ORC1: variants seen among roughly 807,000 people sequenced by gnomAD.
ORC1 encodes the protein origin recognition complex, subunit 1 homolog.
Under a neutral mutation model 98.9 loss-of-function variants are expected in ORC1, and 61 were observed. The observed-to-expected ratio is 0.62, with a 90% CI of 0.50 to 0.76. The LOEUF (loss-of-function observed/expected upper bound fraction) is 0.76, where lower values mean the gene tolerates loss of function less well. Among genes scored for constraint, ORC1 ranks in the 30% least tolerant of loss-of-function variants. ORC1 has a pLI of 0.00. For missense variants in ORC1, 979 were observed against 1,072.2 expected, an observed-to-expected ratio of 0.91 and a Z score of 1.21; for synonymous variants, 385 against 406.9, an observed-to-expected ratio of 0.95 and a Z score of 0.65.
rs781577733 is a variant in ORC1 at position 52,401,378 on chromosome 1, A to G, written c.207T>C (p.Leu69=). The G allele has an allele frequency of 3.7e-6, 6 of 1,613,842 alleles. No individual in the cohort carries two copies. The South Asian group carries it at 6.6e-5, about 18-fold the overall frequency. ...CAAACTCACCATCTTCGAACAACTC[A>G]AGCAATTTAGCAACATACGGGTTTT... The part of the protein sequence containing the change: ...DDENPYVAKL[L]ELFEDDSDPP... The change falls in exon 3 of 17, where the codon CTT becomes CTC. Residue 69 remains leucine (L), a synonymous_variant. Transcript: ENST00000371568.
Position 52,393,586 on chromosome 1 carries a change from T to C in ORC1, c.939A>G (p.Glu313=), listed in dbSNP as rs1188460073. ...YTEDDKKASP[E]HRIILRTRIA... is the part of the protein sequence containing the mutation. ...TTCGGGTTCTCAGGATTATGCGATGTTCAGGTGAAGCCTTCTTGTCATCCT... is the reference window on the plus strand; with the variant it reads ...TTCGGGTTCTCAGGATTATGCGATGCTCAGGTGAAGCCTTCTTGTCATCCT... The change falls in exon 6 of 17, where the codon GAA becomes GAG. Residue 313 remains glutamate (E), a synonymous_variant. Coordinates refer to ENST00000371568, the MANE Select transcript of ORC1 (RefSeq NM_004153.4). The C allele has an allele frequency of 2.5e-6, 4 of 1,614,204 alleles. No individual in the cohort carries two copies. The highest frequency in any genetic ancestry group is 2.5e-6 in the Non-Finnish European group (3 of 1,180,034).
intron 14 of ORC1, among the ~76,000 whole-genome samples, chr1:52,380,694 C>CAA (rs34536767): frequency 1.2e-5 from 1 of 84,228 alleles, no homozygotes; most frequent in Non-Finnish European, 2.5e-5. Context: ...GATGCTGTTT[C>CAA]AAAAAAAAAA....
chr1:52,376,532 G>T (rs1425585324), intron 14 of ORC1, among the ~76,000 whole-genome samples: 1 of 151,922 alleles, frequency 6.6e-6, no homozygotes, highest in Non-Finnish European at 1.5e-5. Flanking sequence ...AGTAACCCAG[G>T]ACACAAACAT....
intron 1 of ORC1, among the ~76,000 whole-genome samples, chr1:52,402,846 G>A (rs1296315606): frequency 2.6e-5 from 4 of 152,124 alleles, no homozygotes; most frequent in East Asian, 1.9e-4. Flanking sequence ...GCAGTGAGCC[G>A]AGATCGCAAC....
chr1:52,381,506 ATCTTG>A, intron 14 of ORC1, 131 bp downstream of exon 14: 1 of 933,586 alleles, frequency 1.1e-6, no homozygotes, highest in Non-Finnish European at 1.6e-6. Flanking sequence ...ATTTCTCATA[ATCTTG>A]TCTTTTTTGA....
At chr1:52,377,288 T>C (rs1017694964) in intron 14 of ORC1, among the ~76,000 whole-genome samples, 1 of 151,850 alleles carries the variant, frequency 6.6e-6, no homozygotes, top group Admixed American at 6.6e-5. Context: ...TTGGTTTTTT[T>C]GTTTGAGAGA....
At chr1:52,408,486 C>G (rs752584050), upstream of ORC1, 43 of 1,564,594 alleles carry the variant, frequency 2.7e-5, no homozygotes, top group Non-Finnish European at 2.3e-5. Context: ...ACATGTTTAT[C>G]CACTACTGTC....
intron 13 of ORC1, among the ~76,000 whole-genome samples, chr1:52,382,569 AAACT>A (rs1246311155): frequency 2.7e-5 from 4 of 147,790 alleles, no homozygotes; most frequent in Admixed American, 6.7e-5. Context: ...ATAAGTGCTA[AAACT>A]TTTTTTTTTT....
At position 52,375,508 on chromosome 1, in the gene ORC1, G is replaced by T. The variant is rs369132620; in HGVS notation, c.2225C>A (p.Ser742Tyr). The T allele has an allele frequency of 1.2e-6, 2 of 1,614,028 alleles. No homozygotes were observed. Among genetic ancestry groups the T allele is most frequent in the African/African-American group, 2.7e-5 (2 of 74,920 alleles). ...GTGGGCTATGGTGACCAGGCCAGGG[G>T]AGTCAGGCTTCTGCTGGGAGAACTC... ...ICEFSQQKPDSPGLVTIAHSM... is the reference protein window; with the variant it reads ...ICEFSQQKPDYPGLVTIAHSM... Residue 742 changes from serine (S) to tyrosine (Y), a missense_variant, in exon 15 of 17, where the codon TCC becomes TAC. Ser to Tyr is a moderately radical substitution (Grantham distance 144). Coordinates refer to ENST00000371568, the MANE Select transcript of ORC1 (RefSeq NM_004153.4).
chr1:52,407,669 C>T (rs1648036530), upstream of ORC1, among the ~76,000 whole-genome samples: 1 of 152,174 alleles, frequency 6.6e-6, no homozygotes, highest in South Asian at 2.1e-4. Context: ...ACCTGTAATC[C>T]CAGCACTTTG....
intron 3 of ORC1, among the ~76,000 whole-genome samples, 158 bp downstream of exon 3, chr1:52,401,204 G>A (rs1323831085): frequency 6.6e-6 from 1 of 152,122 alleles, no homozygotes; most frequent in East Asian, 1.9e-4. Context: ...GGTGAGTAAA[G>A]AAATTTTTTA....
upstream of ORC1, chr1:52,404,601 T>C: frequency 1.3e-6 from 1 of 778,798 alleles, no homozygotes; most frequent in African/African-American, 1.8e-5. Flanking sequence ...GGAAGCCCTT[T>C]ACACTACGGT....
Position 52,396,290 on chromosome 1 carries a change from G to C in ORC1, c.477C>G (p.Ser159=). ...GTGGCCTGAATTTCTTCTCATTCCA[G>C]GATAGTTTCACAAAGAGTGTCTTCT... The part of the protein sequence containing the change: ...KNEKTLFVKL[S]WNEKKFRPLS... Residue 159 remains serine (S), a synonymous_variant, in exon 5 of 17, where the codon TCC becomes TCG. Transcript: ENST00000371568. 1.9e-6 allele frequency: 3 copies of C among 1,614,140 alleles called. No homozygotes were observed. The highest frequency in any genetic ancestry group is 2.5e-6 in the Non-Finnish European group (3 of 1,180,030).
At chr1:52,396,468 C>T in intron 4 of ORC1, 104 bp from the exon 5 acceptor site, 1 of 1,406,826 alleles carries the variant, frequency 7.1e-7, no homozygotes, top group East Asian at 2.3e-5. Context: ...CACATCTGTA[C>T]CTAAAATGTT....
Position 52,388,626 on chromosome 1 carries a change from T to G in ORC1, c.1199A>C (p.Asn400Thr). The stretch of plus-strand genomic sequence containing the variant: ...TTTCTCTTCTTGGTCACTTTTACTA[T>G]TACCTAGAAACCTGAATGGTAGGGA... ...RIRQQLRFLGNSKSDQEEKEI... is the reference protein window; with the variant it reads ...RIRQQLRFLGTSKSDQEEKEI... The change falls in exon 8 of 17, where the codon AAT becomes ACT. Residue 400 changes from asparagine (N) to threonine (T), a missense_variant. By Grantham distance (65) the Asn-to-Thr change is moderately conservative. Transcript: ENST00000371568. 1 of 1,613,748 alleles carries G rather than the reference T, an allele frequency of 6.2e-7. No individual in the cohort carries two copies.
chr1:52,390,498 T>C (rs955461963), intron 6 of ORC1, among the ~76,000 whole-genome samples: 3 of 152,156 alleles, frequency 2.0e-5, no homozygotes, highest in African/African-American at 7.2e-5. Flanking sequence ...AAGCCACATG[T>C]AGAAGAATGA....
At position 52,397,789 on chromosome 1, in the gene ORC1, G is replaced by A. The variant is rs146970307; in HGVS notation, c.298C>T (p.Arg100Trp). ...VRFCEVPACK[R>W]HLLGRKPGAQ... ...CCAGGCTTCCGGCCCAACAAATGCC[G>A]TTTACAGGCAGGGACTTCACAGAAT... The change falls in exon 4 of 17, where the codon CGG (arginine) becomes TGG (tryptophan). Residue 100 changes from arginine to tryptophan, a missense_variant. Transcript: ENST00000371568. The A allele has an allele frequency of 2.2e-5, 35 of 1,613,980 alleles. No individual in the cohort carries two copies. In the Admixed American group the frequency reaches 2.5e-4, roughly 12 times the overall value.
intron 5 of ORC1, 139 bp downstream of exon 5, chr1:52,395,907 A>C (rs1219390677): frequency 7.0e-7 from 1 of 1,426,460 alleles, no homozygotes; most frequent in African/African-American, 1.4e-5. Context: ...AGGCAGAAGG[A>C]TTGCTTGAGC....
At chr1:52,394,979 A>C (rs1647329171) in intron 5 of ORC1, among the ~76,000 whole-genome samples, 1 of 152,230 alleles carries the variant, frequency 6.6e-6, no homozygotes, top group Non-Finnish European at 1.5e-5. Context: ...GTGATATTAC[A>C]GATTAGTTAA....
Sources: gnomAD v4.1 joint callset for allele counts (sites outside exome capture counted in the v4.1 genomes callset) on GRCh38, gnomAD v4.1.1 for gene constraint, MANE v1.5 for transcripts, NCBI Gene and HGNC (gene_info 2026-07-23, HGNC 2026-07-21) for gene names.